The following BTBD9 variants were observed in gnomAD, a reference collection of about 807,000 sequenced individuals.
BTBD9 encodes BTB domain containing 9.
Under a neutral mutation model 64.3 loss-of-function variants are expected in BTBD9, and 49 were observed. That is an observed-to-expected ratio of 0.76 (90% CI 0.61 to 0.97). BTBD9 has a LOEUF of 0.97. BTBD9 is among the 50% of genes least tolerant of loss of function. The pLI is 0.00. For missense variants in BTBD9, 598 were observed against 762.1 expected, an observed-to-expected ratio of 0.78 and a Z score of 2.53; for synonymous variants, 260 against 274.7, an observed-to-expected ratio of 0.95 and a Z score of 0.53.
chr6:38,273,714 T>C (rs1387767584), intron 8 of BTBD9, among the ~76,000 whole-genome samples: 1 of 152,032 alleles, frequency 6.6e-6, no homozygotes, highest in African/African-American at 2.4e-5. Context: ...GAGTTAGAAA[T>C]TGGTTTCATT....
rs534411129 is a variant in BTBD9 at position 38,221,261 on chromosome 6, C to T, written c.1563-28664G>A. Among the ~76,000 whole-genome samples, 8 of 152,212 alleles carry T rather than the reference C, an allele frequency of 5.3e-5. No homozygotes were observed. The Middle Eastern group carries it at 0.01, about 194-fold the overall frequency. On this transcript the variant is annotated intron_variant, in intron 9 of 10. Coordinates refer to ENST00000481247, the MANE Select transcript of BTBD9 (RefSeq NM_001099272.2). ...ACAGCAACTGCCCCTCTATTACTGT[C>T]GATAACATCTAATTGATATGTCAAA...
chr6:38,587,462 G>T, intron 4 of BTBD9: 2 of 548,854 alleles, frequency 3.6e-6, no homozygotes, highest in South Asian at 3.1e-5. Flanking sequence ...CGAGTTTTCA[G>T]GGGAAAACTT....
intron 2 of BTBD9, among the ~76,000 whole-genome samples, chr6:38,596,375 G>GT (rs1446563514): frequency 6.6e-6 from 1 of 152,008 alleles, no homozygotes; most frequent in South Asian, 2.1e-4. Context: ...AAGTATTTGA[G>GT]TTTTTTTTAA....
rs191086615 is a variant in BTBD9 at position 38,381,474 on chromosome 6, A to G, written c.1155-36381T>C. 1.5e-4 allele frequency among the ~76,000 whole-genome samples: 23 copies of G among 152,322 alleles called. No individual in the cohort carries two copies. In the East Asian group the frequency reaches 4.2e-3, roughly 28 times the overall value. On this transcript the variant is annotated intron_variant, in intron 6 of 10. Transcript: ENST00000481247. Reference sequence around the variant, plus strand: ...AAATATACTAAGCAAAAAGTAGCAAACTGAGAAACTGAGAAATCCACTATC... The same window carrying G: ...AAATATACTAAGCAAAAAGTAGCAAGCTGAGAAACTGAGAAATCCACTATC...
At chr6:38,559,265 C>G (rs755346536) in intron 6 of BTBD9, among the ~76,000 whole-genome samples, 1 of 151,892 alleles carries the variant, frequency 6.6e-6, no homozygotes, top group Non-Finnish European at 1.5e-5. Context: ...GTGGCATTTC[C>G]ATACTCTAAT....
intron 10 of BTBD9, among the ~76,000 whole-genome samples, chr6:38,176,402 G>A (rs760448987): frequency 2.6e-5 from 4 of 152,108 alleles, no homozygotes; most frequent in African/African-American, 4.8e-5. Context: ...GACTGAGACC[G>A]TGTCTTCCTG....
At chr6:38,502,262 C>T (rs1174598319) in intron 6 of BTBD9, among the ~76,000 whole-genome samples, 1 of 152,204 alleles carries the variant, frequency 6.6e-6, no homozygotes, top group African/African-American at 2.4e-5. Flanking sequence ...GCTTTGGCTA[C>T]TGACATGGAA....
chr6:38,196,365 A>C (rs140507286), intron 9 of BTBD9, among the ~76,000 whole-genome samples: 5 of 152,372 alleles, frequency 3.3e-5, no homozygotes, highest in African/African-American at 1.2e-4. Flanking sequence ...AAGTATTGGC[A>C]TATATTAAAT....
chr6:38,627,244 G>C (rs1199870259), intron 1 of BTBD9, among the ~76,000 whole-genome samples: 2 of 152,260 alleles, frequency 1.3e-5, no homozygotes, highest in East Asian at 3.9e-4. Context: ...GCCAGATTAG[G>C]GGTGTCTTAT....
At chr6:38,397,468 T>C (rs189338004) in intron 6 of BTBD9, among the ~76,000 whole-genome samples, 12 of 152,238 alleles carry the variant, frequency 7.9e-5, no homozygotes, top group Admixed American at 6.5e-4. Flanking sequence ...GGGCAACTCA[T>C]TGAGATGAGA....
chr6:38,292,058 C>T (rs552784589), intron 7 of BTBD9, among the ~76,000 whole-genome samples: 1 of 152,082 alleles, frequency 6.6e-6, no homozygotes, highest in African/African-American at 2.4e-5. Flanking sequence ...GCCTGCCCAG[C>T]TCAAGCAATT....
At chr6:38,302,254 G>C (rs1365398629) in intron 7 of BTBD9, among the ~76,000 whole-genome samples, 2 of 151,848 alleles carry the variant, frequency 1.3e-5, no homozygotes, top group Non-Finnish European at 2.9e-5. Context: ...CTCTGTACCA[G>C]CTGACCAGTT....
intron 9 of BTBD9, among the ~76,000 whole-genome samples, chr6:38,195,946 A>T (rs147666618): frequency 6.6e-6 from 1 of 152,376 alleles, no homozygotes; most frequent in African/African-American, 2.4e-5. Flanking sequence ...AACTTGGTAG[A>T]ATGTCTAATA....
intron 6 of BTBD9, among the ~76,000 whole-genome samples, chr6:38,367,137 G>A (rs1273466365): frequency 6.6e-6 from 1 of 152,242 alleles, no homozygotes; most frequent in Non-Finnish European, 1.5e-5. Flanking sequence ...ACAGTGGCCA[G>A]AAACCTGCTG....
intron 6 of BTBD9, among the ~76,000 whole-genome samples, chr6:38,358,989 T>C (rs893450733): frequency 2.0e-5 from 3 of 151,932 alleles, no homozygotes; most frequent in African/African-American, 7.3e-5. Context: ...GCCAGGATGG[T>C]CTCGATCTCC....
chr6:38,585,791 A>G (rs1776488403), intron 4 of BTBD9, among the ~76,000 whole-genome samples: 1 of 152,216 alleles, frequency 6.6e-6, no homozygotes, highest in African/African-American at 2.4e-5. Context: ...CTTGAAAAAC[A>G]AAGGCAAAAC....
In BTBD9 at chr6:38,215,133, T is replaced by A. The variant is rs141995858; in HGVS notation, c.1563-22536A>T. On this transcript the variant is annotated intron_variant, in intron 9 of 10. Coordinates refer to ENST00000481247, the MANE Select transcript of BTBD9 (RefSeq NM_001099272.2). ...CTCTTTCTGATTCTATTGTCAGGCT[T>A]TAAAATCAGATGGATCAGCTATTAA... 7.5e-3 allele frequency among the ~76,000 whole-genome samples: 1,139 copies of A among 152,316 alleles called. 16 individuals are homozygous for A. Among genetic ancestry groups the A allele is most frequent in the African/African-American group, 0.023 (976 of 41,572 alleles).
chr6:38,241,619 A>C (rs2127524821), intron 9 of BTBD9, among the ~76,000 whole-genome samples: 1 of 152,360 alleles, frequency 6.6e-6, no homozygotes, highest in Non-Finnish European at 1.5e-5. Flanking sequence ...CCAGATGATC[A>C]CCACTCTGAA....
chr6:38,199,275 G>A (rs1203529570), intron 9 of BTBD9, among the ~76,000 whole-genome samples: 1 of 152,042 alleles, frequency 6.6e-6, no homozygotes, highest in Non-Finnish European at 1.5e-5. Flanking sequence ...CCCTCAATTG[G>A]CTTTCAGGCC....
Sources: allele counts gnomAD v4.1 joint callset (sites outside exome capture counted in the v4.1 genomes callset), GRCh38; gene constraint gnomAD v4.1.1; transcripts MANE v1.5; gene names NCBI Gene and HGNC (gene_info 2026-07-23, HGNC 2026-07-21).